GLYR1: variants seen among roughly 807,000 people sequenced by gnomAD.
GLYR1 encodes the protein glyoxylate reductase 1 homolog.
Under a neutral mutation model 72.7 loss-of-function variants are expected in GLYR1, and 21 were observed. That is an observed-to-expected ratio of 0.29 (90% CI 0.20 to 0.42). The LOEUF (loss-of-function observed/expected upper bound fraction) is 0.42. Among genes scored for constraint, GLYR1 ranks in the 10% least tolerant of loss-of-function variants. The probability of loss-of-function intolerance (pLI) is 1.00; values close to 1 mark genes in which losing one functional copy is unlikely to be tolerated. For synonymous variants in GLYR1, 392 were observed against 270.2 expected (o/e 1.45, Z -4.42); for missense variants, 594 against 712.1 (o/e 0.83, Z 1.89).
At chr16:4,814,702 C>T (rs2083522530) in intron 10 of GLYR1, 55 bp from the exon 11 acceptor site, 3 of 1,357,518 alleles carry the variant, frequency 2.2e-6, no homozygotes, top group Admixed American at 1.9e-5. Context: ...ACAAACATGC[C>T]AGCCAGGCCA....
intron 15 of GLYR1, 124 bp downstream of exon 15, chr16:4,811,046 A>G: frequency 8.1e-7 from 1 of 1,238,380 alleles, no homozygotes; most frequent in Non-Finnish European, 1.1e-6. Flanking sequence ...CGGAGGTTGC[A>G]TTGAGCTGAG....
chr16:4,837,198 G>A (rs2085193143), intron 3 of GLYR1, among the ~76,000 whole-genome samples: 1 of 152,174 alleles, frequency 6.6e-6, no homozygotes, highest in South Asian at 2.1e-4. Context: ...CACCTTGGGA[G>A]ACCGAGGCAG....
rs1653879054 is a variant in GLYR1, at chr16:4,811,793, C to T, written c.1292G>A (p.Gly431Asp). 6.2e-7 allele frequency: 1 copy of T among 1,612,694 alleles called. No individual in the cohort carries two copies. The highest frequency in any genetic ancestry group is 2.2e-5 in the East Asian group (1 of 44,854). Reference protein sequence around the residue: ...GKTSFFLGEVGNAAKMMLIVN... With the variant: ...GKTSFFLGEVDNAAKMMLIVN... ...GATCAGCATCATCTTGGCTGCATTG[C>T]CCACTTCACCTGCCCAGGGTAAAGA... Residue 431 changes from glycine to aspartate, a missense_variant, in exon 14 of 16, where the codon GGC (glycine) becomes GAC (aspartate). Gly to Asp is a moderately conservative substitution (Grantham distance 94). Around this residue, in one of 5 missense-constraint regions of GLYR1, gnomAD observed 266 missense variants for 358.4 expected, o/e 0.74. Coordinates refer to ENST00000321919, the MANE Select transcript of GLYR1 (RefSeq NM_032569.4).
intron 12 of GLYR1, 136 bp downstream of exon 12, chr16:4,813,601 G>A: frequency 2.7e-6 from 2 of 748,724 alleles, no homozygotes; most frequent in Non-Finnish European, 4.6e-6. Context: ...GGATAGGCTA[G>A]TCCCAAGGCT....
intron 9 of GLYR1, 134 bp downstream of exon 9, chr16:4,821,246 A>G: frequency 2.3e-6 from 2 of 859,442 alleles, no homozygotes; most frequent in Non-Finnish European, 3.8e-6. Flanking sequence ...TAAGAGTTAC[A>G]ACATCCCCCC....
chr16:4,829,152 C>A (rs2084623672), intron 5 of GLYR1, among the ~76,000 whole-genome samples: 1 of 152,054 alleles, frequency 6.6e-6, no homozygotes, highest in Admixed American at 6.6e-5. Context: ...TCTCACCACT[C>A]CCTCAGCCTG....
rs370086893 is a variant in GLYR1 at position 4,832,174 on chromosome 16, A to G, written c.342T>C (p.Ser114=). The G allele has an allele frequency of 5.0e-6, 8 of 1,613,918 alleles. No homozygotes were observed. In the African/African-American group the frequency reaches 1.1e-4, roughly 22 times the overall value. Residue 114 remains serine (S), a synonymous_variant, in exon 5 of 16, where the codon AGT becomes AGC. Transcript: ENST00000321919. ...CTGAGTTTGGCCTACTTCTCTCCTC[A>G]CTGGAATTACGTCGATTCTTGTCAT... The part of the protein sequence containing the change: ...SSDDKNRRNS[S]EERSRPNSGD...
At chr16:4,807,105 CCCT>C (rs1221463008) in intron 15 of GLYR1, among the ~76,000 whole-genome samples, 11 of 139,718 alleles carry the variant, frequency 7.9e-5, no homozygotes, top group Non-Finnish European at 1.4e-4. Context: ...TGCGCCTGGC[CCCT>C]TTTTTTTTTT....
chr16:4,833,095 C>G (rs1039730748), intron 3 of GLYR1, 183 bp from the exon 4 acceptor site: 1 of 473,698 alleles, frequency 2.1e-6, no homozygotes, highest in African/African-American at 2.0e-5. Context: ...AGTATATTTT[C>G]TTGAAACAAG....
intron 3 of GLYR1, among the ~76,000 whole-genome samples, chr16:4,833,486 A>G (rs1198430901): frequency 1.3e-5 from 2 of 152,182 alleles, no homozygotes; most frequent in Non-Finnish European, 2.9e-5. Context: ...TGTGGTTCCT[A>G]TGGATATTCA....
At position 4,812,250 on chromosome 16, in the gene GLYR1, T is replaced by C; in HGVS notation, c.1120-2A>G. 6.2e-7 allele frequency: 1 copy of C among 1,611,300 alleles called. No homozygotes were observed. Among genetic ancestry groups the C allele is most frequent in the Non-Finnish European group, 8.5e-7 (1 of 1,179,364 alleles). On this transcript the variant is annotated splice_acceptor_variant, in intron 12 of 15. Coordinates refer to ENST00000321919, the MANE Select transcript of GLYR1 (RefSeq NM_032569.4). LOFTEE classifies it high-confidence loss of function. ...GCGCCCCCCCCTGGACACAATCACC[T>C]GGAAAGAAAAGTCACAGCTTCTGGA...
Position 4,814,651 on chromosome 16 carries a change from C to A in GLYR1, c.907-4G>T, listed in dbSNP as rs1476034142. ...CCTCCTGGATGAACAAATCACACTG[C>A]AAAAGTCACAGATCCTAACGTGAGC... On this transcript the variant is annotated splice_polypyrimidine_tract_variant and splice_region_variant and intron_variant, in intron 10 of 15. Transcript: ENST00000321919. 5.0e-6 allele frequency: 8 copies of A among 1,605,920 alleles called. No individual in the cohort carries two copies. The highest frequency in any genetic ancestry group is 1.3e-5 in the African/African-American group (1 of 74,786).
At chr16:4,819,840 T>TC (rs2083900153) in intron 9 of GLYR1, among the ~76,000 whole-genome samples, 1 of 152,110 alleles carries the variant, frequency 6.6e-6, no homozygotes, top group African/African-American at 2.4e-5. Flanking sequence ...AAAATAGACC[T>TC]CCTTGCTAAC....
intron 15 of GLYR1, among the ~76,000 whole-genome samples, chr16:4,810,454 G>A (rs918177851): frequency 2.6e-5 from 4 of 151,828 alleles, no homozygotes; most frequent in East Asian, 3.9e-4. Flanking sequence ...AGGCTGCAGT[G>A]AGCTGAGATC....
intron 7 of GLYR1, among the ~76,000 whole-genome samples, chr16:4,822,232 A>T (rs1451519842): frequency 1.3e-5 from 2 of 152,156 alleles, no homozygotes; most frequent in African/African-American, 4.8e-5. Flanking sequence ...GATTACAGGA[A>T]TGCACCACCA....
rs780082625 is a variant in GLYR1 at position 4,847,208 on chromosome 16, G to T, written c.38+20C>A. 3.1e-6 allele frequency: 5 copies of T among 1,596,934 alleles called. No individual in the cohort carries two copies. The South Asian group carries it at 5.6e-5, about 18-fold the overall frequency. On this transcript the variant is annotated intron_variant, in intron 1 of 15. Coordinates refer to ENST00000321919, the MANE Select transcript of GLYR1 (RefSeq NM_032569.4). ...GTAGCTCCCCGGCGCGTCTCGGTTG[G>T]CCCGGCCGCTCGGACTCACCACACC...
intron 10 of GLYR1, among the ~76,000 whole-genome samples, chr16:4,817,189 G>A (rs1326318610): frequency 2.7e-5 from 4 of 150,294 alleles, no homozygotes; most frequent in South Asian, 2.1e-4. Flanking sequence ...GCGCGATCTC[G>A]GCTCACTGCA....
chr16:4,846,555 G>T (rs1407446095), intron 1 of GLYR1: 7 of 292,718 alleles, frequency 2.4e-5, no homozygotes, highest in Admixed American at 1.7e-4. Context: ...AGACCTGCCT[G>T]GCTTTGACAA....
At chr16:4,809,188 GT>G (rs1263215689) in intron 15 of GLYR1, among the ~76,000 whole-genome samples, 26,684 of 94,770 alleles carry the variant, frequency 0.28, 2,008 homozygotes, top group African/African-American at 0.33. Flanking sequence ...AGCAGCTTTC[GT>G]TTTTTTTTTT....
Sources: allele counts gnomAD v4.1 joint callset (sites outside exome capture counted in the v4.1 genomes callset), GRCh38; gene constraint gnomAD v4.1.1; regional missense constraint gnomAD v4.1.1; transcripts MANE v1.5; gene names NCBI Gene and HGNC (gene_info 2026-07-23, HGNC 2026-07-21).